The following PHF14 variants were observed in gnomAD, a reference collection of about 807,000 sequenced individuals.
PHF14 encodes PHD finger protein 14.
A neutral mutation model predicts 117.9 loss-of-function variants in PHF14; 55 were observed. That is an observed-to-expected ratio of 0.47 (90% CI 0.38 to 0.58). The LOEUF is 0.58. PHF14 is among the 20% of genes least tolerant of loss of function. The pLI is 0.00. For synonymous variants in PHF14, 409 were observed against 368.6 expected (o/e 1.11, Z -1.26); for missense variants, 978 against 1,122.2 (o/e 0.87, Z 1.84).
intron 17 of PHF14, among the ~76,000 whole-genome samples, chr7:11,113,587 A>G (rs544360212): frequency 1.1e-4 from 16 of 152,176 alleles, no homozygotes; most frequent in Non-Finnish European, 1.9e-4. Flanking sequence ...TATTTTCGTT[A>G]TACTTATATG....
At chr7:11,156,749 G>A (rs1389010146) in intron 17 of PHF14, among the ~76,000 whole-genome samples, 5 of 152,004 alleles carry the variant, frequency 3.3e-5, no homozygotes, top group East Asian at 1.9e-4. Flanking sequence ...AGCAGAAGTC[G>A]TGCCATTGCA....
At chr7:11,103,249 C>A in intron 16 of PHF14, 2 of 891,480 alleles carry the variant, frequency 2.2e-6, no homozygotes, top group Non-Finnish European at 2.7e-6. Context: ...AAAGATATAT[C>A]TGTGTTGATC....
intron 16 of PHF14, among the ~76,000 whole-genome samples, chr7:11,065,358 G>A (rs721028): frequency 0.11 from 16,334 of 152,016 alleles, 1,040 homozygotes; most frequent in African/African-American, 0.18. Context: ...AGTAGTTATG[G>A]AACTACTTAG....
chr7:11,047,614 C>A (rs185237811), intron 13 of PHF14, among the ~76,000 whole-genome samples: 5 of 150,394 alleles, frequency 3.3e-5, no homozygotes, highest in Admixed American at 3.3e-4. Flanking sequence ...TGATGAAACC[C>A]TGTCTCTACT....
intron 13 of PHF14, among the ~76,000 whole-genome samples, chr7:11,044,060 A>C (rs868768506): frequency 5.9e-5 from 9 of 152,156 alleles, no homozygotes; most frequent in Middle Eastern, 3.2e-3. Flanking sequence ...GGAGGCCATT[A>C]TACTCAGTGA....
chr7:10,997,936 A>G (rs1210814153), intron 4 of PHF14, among the ~76,000 whole-genome samples: 1 of 152,220 alleles, frequency 6.6e-6, no homozygotes, highest in African/African-American at 2.4e-5. Flanking sequence ...AGGTGGGGGC[A>G]TTCTAAGAGT....
intron 2 of PHF14, among the ~76,000 whole-genome samples, chr7:10,981,955 A>G (rs1782057126): frequency 1.3e-5 from 2 of 152,204 alleles, no homozygotes; most frequent in South Asian, 4.1e-4. Flanking sequence ...TTACAAGTCC[A>G]TATAGTTTAT....
In PHF14 at chr7:11,000,963, C is replaced by T. The variant is rs117327377; in HGVS notation, c.1045+10116C>T. Among the ~76,000 whole-genome samples the T allele has an allele frequency of 2.5e-3, 383 of 151,728 alleles. 2 individuals carry two copies. Among genetic ancestry groups the T allele is most frequent in the Non-Finnish European group, 3.7e-3 (254 of 67,908 alleles). On this transcript the variant is annotated intron_variant, in intron 4 of 17. Coordinates refer to ENST00000634607, the MANE Select transcript of PHF14 (RefSeq NM_001007157.2). ...GCCTGAGGTTATCTAGATTTTCTCC[C>T]GTGTTATTTTCTAGTTCTATAATTT... is the stretch of plus-strand genomic sequence containing the variant.
chr7:10,984,918 G>C (rs1000364820), intron 3 of PHF14, among the ~76,000 whole-genome samples: 1 of 152,068 alleles, frequency 6.6e-6, no homozygotes, highest in African/African-American at 2.4e-5. Context: ...CCAGGAATGA[G>C]ATTCCAAAGT....
At chr7:11,158,789 C>T (rs977083997) in intron 17 of PHF14, among the ~76,000 whole-genome samples, 1 of 152,004 alleles carries the variant, frequency 6.6e-6, no homozygotes, top group Non-Finnish European at 1.5e-5. Flanking sequence ...GTCATAGTTG[C>T]TTACAGATTA....
intron 17 of PHF14, among the ~76,000 whole-genome samples, chr7:11,143,858 C>A (rs1234416938): frequency 1.3e-5 from 2 of 151,746 alleles, no homozygotes; most frequent in Non-Finnish European, 2.9e-5. Flanking sequence ...GGTACCAAAA[C>A]CAAAAATTGA....
At chr7:11,010,570 G>A (rs115111170) in intron 4 of PHF14, among the ~76,000 whole-genome samples, 4,126 of 151,718 alleles carry the variant, frequency 0.027, 195 homozygotes, top group African/African-American at 0.095. Context: ...AGTTTAATTT[G>A]TAACTATTAA....
intron 7 of PHF14, among the ~76,000 whole-genome samples, chr7:11,034,539 A>ATTT (rs56043099): frequency 0.036 from 2,273 of 63,118 alleles, 529 homozygotes; most frequent in East Asian, 0.17. Context: ...TCTTAATTCT[A>ATTT]TTTTTTTTTT....
At chr7:10,988,180 T>C (rs1782296520) in intron 3 of PHF14, among the ~76,000 whole-genome samples, 1 of 152,134 alleles carries the variant, frequency 6.6e-6, no homozygotes, top group Non-Finnish European at 1.5e-5. Context: ...TTGCGTTACA[T>C]TTCTATTAAG....
At chr7:11,072,976 A>T (rs1010947729) in intron 16 of PHF14, among the ~76,000 whole-genome samples, 39 of 152,158 alleles carry the variant, frequency 2.6e-4, no homozygotes, top group African/African-American at 9.2e-4. Context: ...TTCATGAGGG[A>T]TCTGCCCCTG....
intron 4 of PHF14, chr7:11,006,557 G>C: frequency 1.7e-6 from 1 of 591,896 alleles, no homozygotes; most frequent in South Asian, 1.4e-5. Context: ...TCTGGTGCTT[G>C]TTGGCTTTAA....
At chr7:11,006,206 C>A (rs960277356) in intron 4 of PHF14, among the ~76,000 whole-genome samples, 40 of 152,116 alleles carry the variant, frequency 2.6e-4, no homozygotes, top group African/African-American at 9.4e-4. Flanking sequence ...TGTAAATTTT[C>A]TTTTATTCTT....
intron 4 of PHF14, among the ~76,000 whole-genome samples, chr7:10,991,569 C>G (rs1782452152): frequency 1.3e-5 from 2 of 151,998 alleles, no homozygotes; most frequent in Admixed American, 1.3e-4. Context: ...CTCAGCCTCC[C>G]AAAGTGCTGG....
At chr7:11,023,800 C>G (rs1783818429) in intron 6 of PHF14, among the ~76,000 whole-genome samples, 1 of 152,048 alleles carries the variant, frequency 6.6e-6, no homozygotes, top group African/African-American at 2.4e-5. Flanking sequence ...GGCACTCCAG[C>G]CTGGGCGACA....
Sources: gnomAD v4.1 joint callset for allele counts (sites outside exome capture counted in the v4.1 genomes callset) on GRCh38, gnomAD v4.1.1 for gene constraint, MANE v1.5 for transcripts, NCBI Gene and HGNC (gene_info 2026-07-23, HGNC 2026-07-21) for gene names.